IL18BP: variants seen among roughly 807,000 people sequenced by gnomAD.
IL18BP encodes the protein interleukin-18-binding protein.
IL18BP carries 23 observed loss-of-function variants against 19.9 expected under a neutral mutation model. The ratio of observed to expected loss-of-function variants is 1.15; its 90% CI spans 0.83 to 1.64. The LOEUF (loss-of-function observed/expected upper bound fraction) is 1.64. Ranked by LOEUF, IL18BP falls within the 40% of genes most tolerant of loss-of-function variation. IL18BP has a pLI of 0.00. For synonymous variants in IL18BP, 107 were observed against 101.0 expected (o/e 1.06, Z -0.35); for missense variants, 239 against 240.7 (o/e 0.99, Z 0.05).
At chr11:72,008,074 G>A (rs985436815), downstream of IL18BP, 5 of 475,524 alleles carry the variant, frequency 1.1e-5, no homozygotes, top group African/African-American at 5.9e-5. Flanking sequence ...TCTGTTAAAG[G>A]AGACAGAATA....
At chr11:72,006,649 C>G (rs1176304265), downstream of IL18BP, among the ~76,000 whole-genome samples, 1 of 152,222 alleles carries the variant, frequency 6.6e-6, no homozygotes, top group Non-Finnish European at 1.5e-5. Context: ...GCTCATCCCA[C>G]AGCCTCTGCT....
intron 5 of IL18BP, 112 bp downstream of exon 5, chr11:72,001,664 T>C (rs774303304): frequency 1.2e-6 from 2 of 1,605,326 alleles, no homozygotes; most frequent in Non-Finnish European, 1.7e-6. Flanking sequence ...CCAGCATTCC[T>C]CAAGGTCAGC....
At chr11:72,001,017 G>A (rs1955190127) in intron 3 of IL18BP, among the ~76,000 whole-genome samples, 184 bp from the exon 4 acceptor site, 1 of 152,206 alleles carries the variant, frequency 6.6e-6, no homozygotes, top group Non-Finnish European at 1.5e-5. Flanking sequence ...CCGTGTTTAG[G>A]GCTAGGGCCT....
At chr11:72,001,113 TG>T in intron 3 of IL18BP, 87 bp from the exon 4 acceptor site, 5 of 1,529,326 alleles carry the variant, frequency 3.3e-6, no homozygotes, top group Non-Finnish European at 1.8e-6. Flanking sequence ...GCATGGGGAC[TG>T]GGGGGAGCTG....
At chr11:72,003,523 C>A (rs1251917416), downstream of IL18BP, 1 of 1,613,962 alleles carries the variant, frequency 6.2e-7, no homozygotes, top group Non-Finnish European at 8.5e-7. Context: ...CTGGTACTGG[C>A]CCTTTAGTGC....
chr11:71,999,601 A>C, intron 1 of IL18BP: 1 of 247,200 alleles, frequency 4.0e-6, no homozygotes, highest in Non-Finnish European at 8.0e-6. Flanking sequence ...ATTGCTCGGC[A>C]TCCTGCCCTT....
intron 1 of IL18BP, chr11:71,999,650 C>G (rs924762312): frequency 6.2e-6 from 2 of 322,118 alleles, no homozygotes; most frequent in Non-Finnish European, 1.2e-5. Context: ...GCACTGCCTC[C>G]CTGTGTGACT....
chr11:72,008,152 C>T (rs1249904826), downstream of IL18BP: 1 of 478,092 alleles, frequency 2.1e-6, no homozygotes, highest in African/African-American at 2.0e-5. Context: ...ATGTCTAGCA[C>T]AAAATAAGTA....
At chr11:72,006,018 C>G (rs1002999983), downstream of IL18BP, 1 of 1,588,776 alleles carries the variant, frequency 6.3e-7, no homozygotes, top group African/African-American at 1.3e-5. Context: ...TATAGTAAGT[C>G]CCTGTAGTCC....
chr11:72,007,540 G>T, downstream of IL18BP: 1 of 1,390,106 alleles, frequency 7.2e-7, no homozygotes, highest in South Asian at 1.3e-5. Flanking sequence ...AAGCAGATGA[G>T]GTCAAGCAGC....
chr11:72,003,202 G>A (rs1955379879), downstream of IL18BP: 3 of 425,294 alleles, frequency 7.1e-6, no homozygotes, highest in Admixed American at 1.1e-4. Flanking sequence ...CTAAGAGGAA[G>A]ACTGGCCAGG....
chr11:72,001,285 T>G lies in IL18BP; in HGVS notation c.320T>G (p.Ile107Ser). 6.2e-7 allele frequency: 1 copy of G among 1,614,180 alleles called. No homozygotes were observed. The highest frequency in any genetic ancestry group is 1.1e-5 in the South Asian group (1 of 91,080). ...ILYWLGNGSF[I>S]EHLPGRLWEG... Reference sequence around the variant, plus strand: ...TACTGGCTGGGCAATGGTTCCTTCATTGAGCACCTCCCAGGCCGACTGTGG... The same window carrying G: ...TACTGGCTGGGCAATGGTTCCTTCAGTGAGCACCTCCCAGGCCGACTGTGG... The change falls in exon 4 of 6, where the codon ATT becomes AGT. Residue 107 changes from isoleucine (I) to serine (S), a missense_variant. Coordinates refer to ENST00000393703, the MANE Select transcript of IL18BP (RefSeq NM_001039660.2).
At chr11:72,005,189 G>C (rs2852364), downstream of IL18BP, 4 of 1,526,682 alleles carry the variant, frequency 2.6e-6, no homozygotes, top group Non-Finnish European at 3.5e-6. Flanking sequence ...GATTCCAAGG[G>C]AGGGCAGGGA....
At chr11:72,007,219 G>A (rs780538460), downstream of IL18BP, 13 of 1,611,596 alleles carry the variant, frequency 8.1e-6, no homozygotes, top group South Asian at 1.3e-4. Flanking sequence ...TGATCTGCGT[G>A]GTGCGCCGAC....
chr11:72,006,088 G>C (rs757253785), downstream of IL18BP: 2 of 1,614,072 alleles, frequency 1.2e-6, no homozygotes, highest in Non-Finnish European at 1.7e-6. Flanking sequence ...AGAACTGCGA[G>C]TGGTGGGGCG....
chr11:72,006,547 T>TG (rs372441155), downstream of IL18BP, among the ~76,000 whole-genome samples: 61 of 152,288 alleles, frequency 4.0e-4, no homozygotes, highest in Admixed American at 7.8e-4. Context: ...ATTTTGGAGA[T>TG]GAAGTGCAAA....
chr11:71,999,598 G>A (rs148879553), intron 1 of IL18BP: 178 of 241,242 alleles, frequency 7.4e-4, no homozygotes, highest in Middle Eastern at 4.5e-3. Flanking sequence ...AGGATTGCTC[G>A]GCATCCTGCC....
At chr11:71,999,322 G>A in intron 1 of IL18BP, 1 of 371,878 alleles carries the variant, frequency 2.7e-6, no homozygotes, top group South Asian at 2.0e-5. Flanking sequence ...CTGTGAAGAG[G>A]GGAGGCGGAC....
chr11:72,000,210 A>G, intron 2 of IL18BP, 141 bp from the exon 3 acceptor site: 2 of 876,148 alleles, frequency 2.3e-6, no homozygotes, highest in Non-Finnish European at 3.7e-6. Flanking sequence ...ATAAAGGGCT[A>G]AGGGGTGGGT....
Sources: gnomAD v4.1 joint callset for allele counts (sites outside exome capture counted in the v4.1 genomes callset) on GRCh38, gnomAD v4.1.1 for gene constraint, MANE v1.5 for transcripts, NCBI Gene and HGNC (gene_info 2026-07-23, HGNC 2026-07-21) for gene names.